Variants in CSMD1 observed in about 807,000 individuals in gnomAD.
The protein encoded by CSMD1 is CUB and Sushi multiple domains 1.
In CSMD1, 213 loss-of-function variants were observed where a neutral mutation model predicts 417.5. That is an observed-to-expected ratio of 0.51 (90% CI 0.46 to 0.57). The LOEUF is 0.57. CSMD1 is among the 20% of genes least tolerant of loss of function. The pLI, the probability that CSMD1 is intolerant of heterozygous loss-of-function variation, is 0.00. For synonymous variants in CSMD1, 2,862 were observed against 1,736.8 expected (o/e 1.65, Z -16.11); for missense variants, 6,923 against 4,529.7 (o/e 1.53, Z -15.17).
At chr8:3,115,002 T>A (rs1816776041) in intron 42 of CSMD1, among the ~76,000 whole-genome samples, 1 of 152,194 alleles carries the variant, frequency 6.6e-6, no homozygotes. Flanking sequence ...TATGATAGTG[T>A]TTAAGATTTA....
chr8:4,111,758 G>C (rs1387825368), intron 3 of CSMD1, among the ~76,000 whole-genome samples: 2 of 152,096 alleles, frequency 1.3e-5, no homozygotes, highest in Non-Finnish European at 2.9e-5. Context: ...AACACACACT[G>C]GGAACTGTTG....
At position 3,479,558 on chromosome 8, in the gene CSMD1, G is replaced by T. The variant is rs192746587; in HGVS notation, c.1449-10734C>A. Among the ~76,000 whole-genome samples the T allele has an allele frequency of 3.3e-5, 5 of 152,342 alleles. No individual in the cohort carries two copies. The East Asian group carries it at 5.8e-4, about 18-fold the overall frequency. On this transcript the variant is annotated intron_variant, in intron 11 of 69. Transcript: ENST00000635120. Reference sequence around the variant, plus strand: ...GCCCCCCAAAGTGCTGGGATTACAGGTGTGAGCCACCGCGCCCAGCCTGCC... The same window carrying T: ...GCCCCCCAAAGTGCTGGGATTACAGTTGTGAGCCACCGCGCCCAGCCTGCC...
At chr8:3,275,214 C>G (rs1041777246) in intron 26 of CSMD1, among the ~76,000 whole-genome samples, 1 of 152,124 alleles carries the variant, frequency 6.6e-6, no homozygotes, top group East Asian at 1.9e-4. Context: ...ATATGAAATT[C>G]TGGGTTGAAA....
chr8:4,629,090 G>C (rs1041398923), intron 2 of CSMD1, among the ~76,000 whole-genome samples: 3 of 152,040 alleles, frequency 2.0e-5, no homozygotes, highest in African/African-American at 7.2e-5. Context: ...TATATACTTA[G>C]ACATGTTTGA....
intron 1 of CSMD1, among the ~76,000 whole-genome samples, chr8:4,874,257 G>C (rs1325376500): frequency 1.3e-5 from 2 of 152,042 alleles, no homozygotes; most frequent in Admixed American, 1.3e-4. Context: ...CAAATTACGT[G>C]GGATACTGCC....
intron 21 of CSMD1, among the ~76,000 whole-genome samples, chr8:3,352,569 G>C (rs115810608): frequency 1.3e-5 from 2 of 152,306 alleles, no homozygotes; most frequent in African/African-American, 4.8e-5. Context: ...GCTGGGCGCG[G>C]TGGCTCACAT....
intron 4 of CSMD1, among the ~76,000 whole-genome samples, chr8:4,015,958 C>T (rs1796503253): frequency 6.6e-6 from 1 of 152,132 alleles, no homozygotes; most frequent in Non-Finnish European, 1.5e-5. Flanking sequence ...AAGAAGGTTG[C>T]CGTTGGAGGG....
intron 2 of CSMD1, among the ~76,000 whole-genome samples, chr8:4,502,129 G>C (rs565633648): frequency 2.3e-4 from 35 of 152,108 alleles, no homozygotes; most frequent in Non-Finnish European, 4.1e-4. Flanking sequence ...TTCTAATTAT[G>C]GGTTATATAT....
intron 50 of CSMD1, among the ~76,000 whole-genome samples, chr8:3,045,237 T>A (rs377234017): frequency 2.6e-5 from 4 of 152,232 alleles, no homozygotes; most frequent in African/African-American, 9.6e-5. Flanking sequence ...ATAGTTGGTA[T>A]CAAAAGAGTA....
intron 26 of CSMD1, among the ~76,000 whole-genome samples, chr8:3,232,485 C>T (rs980415534): frequency 7.9e-5 from 12 of 152,138 alleles, no homozygotes; most frequent in Non-Finnish European, 1.5e-4. Flanking sequence ...TTTCCATCCT[C>T]TTCTTGATGG....
Position 2,935,460 on chromosome 8 carries a change from A to C in CSMD1, c.*3125T>G, listed in dbSNP as rs910924172. 6.6e-6 allele frequency: 1 copy of C among 152,238 alleles called. No individual in the cohort carries two copies. Among genetic ancestry groups the C allele is most frequent in the Non-Finnish European group, 1.5e-5 (1 of 68,044 alleles). 9.4% of individuals were successfully genotyped at this position (152,238 alleles called of 1,614,324 possible). On this transcript the variant is annotated 3_prime_UTR_variant, in exon 70 of 70. Coordinates refer to ENST00000635120, the MANE Select transcript of CSMD1 (RefSeq NM_033225.6). ...CTTTATAATTTTTTTGACAAAAAAA[A>C]GATACTGTTCATTTTAACAGGCCAC...
intron 3 of CSMD1, among the ~76,000 whole-genome samples, chr8:4,377,540 C>G (rs548086736): frequency 1.3e-5 from 2 of 152,204 alleles, no homozygotes; most frequent in South Asian, 4.1e-4. Context: ...AATATATACT[C>G]AAAGTTGAGT....
chr8:3,860,576 T>C (rs921818096), intron 5 of CSMD1, among the ~76,000 whole-genome samples: 12 of 152,190 alleles, frequency 7.9e-5, no homozygotes, highest in African/African-American at 2.2e-4. Flanking sequence ...CGCATATGTA[T>C]TGCTAACCAT....
intron 1 of CSMD1, among the ~76,000 whole-genome samples, chr8:4,795,659 T>A (rs1052705347): frequency 6.6e-6 from 1 of 152,008 alleles, no homozygotes; most frequent in Non-Finnish European, 1.5e-5. Context: ...GATAAATGAG[T>A]ACAATATGGA....
At chr8:4,683,003 T>A (rs939359214) in intron 1 of CSMD1, among the ~76,000 whole-genome samples, 55 of 138,968 alleles carry the variant, frequency 4.0e-4, no homozygotes, top group East Asian at 2.2e-4. Flanking sequence ...TAGTCACACA[T>A]AAACACATCC....
chr8:3,858,122 G>A (rs745499205), intron 5 of CSMD1, among the ~76,000 whole-genome samples: 5 of 152,180 alleles, frequency 3.3e-5, no homozygotes, highest in Admixed American at 1.3e-4. Flanking sequence ...AAATCACTTC[G>A]ATCTTAGCTA....
chr8:4,347,398 T>C (rs1800834565), intron 3 of CSMD1, among the ~76,000 whole-genome samples: 1 of 152,166 alleles, frequency 6.6e-6, no homozygotes, highest in South Asian at 2.1e-4. Context: ...TAAGACATTA[T>C]CATTTAAAAT....
In CSMD1 at chr8:3,977,903, C is replaced by G. The variant is rs533655331; in HGVS notation, c.818+20000G>C. On this transcript the variant is annotated intron_variant, in intron 5 of 69. Transcript: ENST00000635120. Reference sequence around the variant, plus strand: ...AATAAACTCAAGAATGGTAACTGACCTCCAATTTCATGTCAGCCACATCGT... The same window carrying G: ...AATAAACTCAAGAATGGTAACTGACGTCCAATTTCATGTCAGCCACATCGT... Among the ~76,000 whole-genome samples, 3 of 152,212 alleles carry G rather than the reference C, an allele frequency of 2.0e-5. No individual in the cohort carries two copies. In the East Asian group the frequency reaches 5.8e-4, roughly 29 times the overall value.
chr8:4,226,910 G>A (rs1204994481), intron 3 of CSMD1, among the ~76,000 whole-genome samples: 1 of 152,160 alleles, frequency 6.6e-6, no homozygotes, highest in Non-Finnish European at 1.5e-5. Context: ...ATTTTTTGTT[G>A]TTGTTGTCAC....
Sources: gnomAD v4.1 joint callset for allele counts (sites outside exome capture counted in the v4.1 genomes callset) on GRCh38, gnomAD v4.1.1 for gene constraint, MANE v1.5 for transcripts, NCBI Gene and HGNC (gene_info 2026-07-23, HGNC 2026-07-21) for gene names.